The following CACNA2D1 variants were observed in gnomAD, a reference collection of about 807,000 sequenced individuals.
CACNA2D1 encodes calcium voltage-gated channel auxiliary subunit alpha2delta 1, also known as voltage-dependent calcium channel subunit alpha-2/delta-1.
A neutral mutation model predicts 171.5 loss-of-function variants in CACNA2D1; 53 were observed. The ratio of observed to expected loss-of-function variants is 0.31; its 90% CI spans 0.25 to 0.39. The LOEUF (loss-of-function observed/expected upper bound fraction) is 0.39, where lower values mean the gene tolerates loss of function less well. Among genes scored for constraint, CACNA2D1 ranks in the 10% least tolerant of loss-of-function variants. The pLI, the probability that CACNA2D1 is intolerant of heterozygous loss-of-function variation, is 1.00. For missense variants in CACNA2D1, 903 were observed against 1,299.8 expected (o/e 0.69, Z 4.69); for synonymous variants, 442 against 443.1 (o/e 1.00, Z 0.03).
rs374742133 is a variant in CACNA2D1 at position 82,060,211 on chromosome 7, A to ATTATATATATATT, written c.879+216_879+217insAATATATATATAA. ...TATATTATATATATATTATATATAT[A>ATTATATATATATT]ATATATATATAATATATATATATAA... On this transcript the variant is annotated intron_variant, in intron 10 of 38. Coordinates refer to ENST00000356860, the MANE Select transcript of CACNA2D1 (RefSeq NM_000722.4). Among the ~76,000 whole-genome samples the ATTATATATATATT allele has an allele frequency of 3.8e-4, 12 of 31,332 alleles. 1 individual carries two copies. Among genetic ancestry groups the ATTATATATATATT allele is most frequent in the African/African-American group, 1.2e-3 (11 of 9,506 alleles). 20.6% of individuals were successfully genotyped at this position (31,332 alleles called of 152,430 possible). A position where few individuals can be genotyped will look rare whatever the true frequency, so the allele number is the denominator to read the frequency against.
In CACNA2D1 at chr7:82,133,337, C is replaced by T. The variant is rs138176076; in HGVS notation, c.396+3298G>A. ...TCACAAGTCAGTGAGCCTGAAAAAA[C>T]ATGGGTTTCCCATGTTGAGGGCAAA... On this transcript the variant is annotated intron_variant, in intron 5 of 38. Transcript: ENST00000356860. Among the ~76,000 whole-genome samples the T allele has an allele frequency of 3.3e-5, 5 of 152,228 alleles. No homozygotes were observed. The East Asian group carries it at 7.7e-4, about 24-fold the overall frequency.
At chr7:82,365,168 G>A (rs1821543157) in intron 1 of CACNA2D1, among the ~76,000 whole-genome samples, 2 of 152,240 alleles carry the variant, frequency 1.3e-5, no homozygotes, top group Admixed American at 6.5e-5. Flanking sequence ...AGAAAGGAAC[G>A]CACATTTTAG....
chr7:82,074,116 TTGGA>T (rs1376909264), intron 7 of CACNA2D1, among the ~76,000 whole-genome samples: 2 of 152,224 alleles, frequency 1.3e-5, no homozygotes, highest in Non-Finnish European at 2.9e-5. Context: ...GTTAGAATCT[TTGGA>T]TGGTCTGAAT....
intron 1 of CACNA2D1, among the ~76,000 whole-genome samples, chr7:82,425,657 G>A (rs75338975): frequency 8.7e-5 from 13 of 150,260 alleles, no homozygotes; most frequent in African/African-American, 2.0e-4. Context: ...CCTCTCACCC[G>A]CATAGCTGGG....
At chr7:82,300,672 G>T (rs548500847) in intron 3 of CACNA2D1, among the ~76,000 whole-genome samples, 1 of 152,102 alleles carries the variant, frequency 6.6e-6, no homozygotes, top group East Asian at 1.9e-4. Flanking sequence ...AAGGAAGAAG[G>T]CTTCTTAAAT....
intron 3 of CACNA2D1, among the ~76,000 whole-genome samples, chr7:82,262,992 G>T (rs1419908786): frequency 6.6e-6 from 1 of 151,428 alleles, no homozygotes; most frequent in Non-Finnish European, 1.5e-5. Context: ...TTGTCCAATC[G>T]TATTTCTTCA....
chr7:82,296,266 TAA>T (rs548667970), intron 3 of CACNA2D1, among the ~76,000 whole-genome samples: 17 of 145,594 alleles, frequency 1.2e-4, no homozygotes, highest in Non-Finnish European at 2.3e-4. Context: ...TAATAATAAT[TAA>T]AAAAAAAAAC....
chr7:82,015,938 C>A (rs1160848411), intron 12 of CACNA2D1, among the ~76,000 whole-genome samples: 3 of 152,166 alleles, frequency 2.0e-5, no homozygotes, highest in Non-Finnish European at 4.4e-5. Context: ...ACTCTTACAT[C>A]ATCCAGGTTT....
chr7:82,176,205 T>C (rs1796527199), intron 3 of CACNA2D1, among the ~76,000 whole-genome samples: 1 of 152,106 alleles, frequency 6.6e-6, no homozygotes, highest in African/African-American at 2.4e-5. Flanking sequence ...GCATTTCTTA[T>C]GCTGATAGGA....
intron 3 of CACNA2D1, among the ~76,000 whole-genome samples, chr7:82,171,836 A>T (rs894963909): frequency 6.6e-6 from 1 of 152,144 alleles, no homozygotes; most frequent in Admixed American, 6.6e-5. Flanking sequence ...TTAAAAAATT[A>T]CAAATCTCAG....
intron 3 of CACNA2D1, among the ~76,000 whole-genome samples, chr7:82,231,200 C>T (rs1398937157): frequency 6.6e-6 from 1 of 152,158 alleles, no homozygotes; most frequent in Non-Finnish European, 1.5e-5. Flanking sequence ...AGGGCTTGAA[C>T]CAAAAGAGAA....
At chr7:82,255,013 C>T (rs1806123167) in intron 3 of CACNA2D1, among the ~76,000 whole-genome samples, 1 of 152,084 alleles carries the variant, frequency 6.6e-6, no homozygotes, top group Non-Finnish European at 1.5e-5. Flanking sequence ...GAAAAAAATC[C>T]AAACTCACAG....
At chr7:82,184,170 T>TC (rs58688827) in intron 3 of CACNA2D1, among the ~76,000 whole-genome samples, 1 of 4,874 alleles carries the variant, frequency 2.1e-4, no homozygotes, top group African/African-American at 3.1e-4. Flanking sequence ...CGGTTTCCTC[T>TC]TTTTTTTTTT....
intron 3 of CACNA2D1, among the ~76,000 whole-genome samples, chr7:82,265,374 T>C (rs1807691222): frequency 6.6e-6 from 1 of 150,578 alleles, no homozygotes; most frequent in Non-Finnish European, 1.5e-5. Flanking sequence ...GTAAGATCTC[T>C]GGGGCCAAAT....
intron 3 of CACNA2D1, among the ~76,000 whole-genome samples, chr7:82,314,106 C>T (rs926380123): frequency 3.9e-5 from 6 of 151,996 alleles, no homozygotes; most frequent in African/African-American, 9.7e-5. Context: ...CTTTTTCAAT[C>T]GCAATAATGT....
rs200155063 is a variant in CACNA2D1 at position 82,296,121 on chromosome 7, A to AG, written c.294+39013dup. Among the ~76,000 whole-genome samples the AG allele has an allele frequency of 0.023, 3,174 of 140,870 alleles. 263 individuals carry two copies. In the East Asian group the frequency reaches 0.25, roughly 11 times the overall value. The allele number at this position is 140,870 out of a possible 152,430, so 92.4% of individuals were successfully genotyped here. A position where few individuals can be genotyped will look rare whatever the true frequency, so the allele number is the denominator to read the frequency against. On this transcript the variant is annotated intron_variant, in intron 3 of 38. Transcript: ENST00000356860. Reference sequence around the variant, plus strand: ...CTGGGGACTGTTGCGGGGTGGGGGAAGGGGGGAGGGATAGCATTAGGAGAT... The same window carrying AG: ...CTGGGGACTGTTGCGGGGTGGGGGAAGGGGGGGAGGGATAGCATTAGGAGAT...
chr7:82,288,801 T>C (rs1811172414), intron 3 of CACNA2D1, among the ~76,000 whole-genome samples: 1 of 152,166 alleles, frequency 6.6e-6, no homozygotes, highest in African/African-American at 2.4e-5. Flanking sequence ...CTCTGTGTGT[T>C]CCATTGAGGT....
chr7:82,391,030 A>G (rs1267614349), intron 1 of CACNA2D1, among the ~76,000 whole-genome samples: 1 of 152,062 alleles, frequency 6.6e-6, no homozygotes, highest in African/African-American at 2.4e-5. Flanking sequence ...GGAAAGGCAG[A>G]AAAAAAGGCC....
At chr7:82,186,654 C>T (rs1797815237) in intron 3 of CACNA2D1, among the ~76,000 whole-genome samples, 1 of 152,046 alleles carries the variant, frequency 6.6e-6, no homozygotes, top group Non-Finnish European at 1.5e-5. Context: ...GTTTATTATA[C>T]ACTATTTTAT....
Sources: gnomAD v4.1 joint callset for allele counts (sites outside exome capture counted in the v4.1 genomes callset) on GRCh38, gnomAD v4.1.1 for gene constraint, MANE v1.5 for transcripts, NCBI Gene and HGNC (gene_info 2026-07-23, HGNC 2026-07-21) for gene names.